LARP1B: variants seen among roughly 807,000 people sequenced by gnomAD.
LARP1B encodes La ribonucleoprotein 1B, also known as la-related protein 1B.
In LARP1B, 76 loss-of-function variants were observed where a neutral mutation model predicts 114.2. The observed-to-expected ratio is 0.67, with a 90% CI of 0.55 to 0.81. The LOEUF (loss-of-function observed/expected upper bound fraction) is 0.81, where lower values mean the gene tolerates loss of function less well. Ranked by LOEUF, LARP1B falls within the 30% of genes least tolerant of loss-of-function variation. The pLI is 0.00. For missense variants in LARP1B, 1,014 were observed against 1,075.8 expected (o/e 0.94, Z 0.80); for synonymous variants, 345 against 348.0 (o/e 0.99, Z 0.10).
intron 1 of LARP1B, among the ~76,000 whole-genome samples, chr4:128,062,818 GAC>G (rs1760792102): frequency 6.6e-6 from 1 of 151,588 alleles, no homozygotes; most frequent in African/African-American, 2.4e-5. Context: ...AATGTTAAAT[GAC>G]GAGTTGATGG....
At chr4:128,196,282 AAAAG>A (rs1368013634) in intron 15 of LARP1B, among the ~76,000 whole-genome samples, 3 of 150,312 alleles carry the variant, frequency 2.0e-5, no homozygotes, top group African/African-American at 7.3e-5. Flanking sequence ...GAAAGAAAGA[AAAAG>A]AAAAGGGAAA....
intron 7 of LARP1B, among the ~76,000 whole-genome samples, chr4:128,096,101 C>G (rs1221344207): frequency 2.7e-5 from 4 of 150,420 alleles, no homozygotes; most frequent in African/African-American, 9.8e-5. Flanking sequence ...TCACACCATT[C>G]TCCTGCCTCA....
At chr4:128,135,830 G>A (rs770172554) in intron 11 of LARP1B, among the ~76,000 whole-genome samples, 3 of 152,132 alleles carry the variant, frequency 2.0e-5, no homozygotes, top group African/African-American at 7.2e-5. Context: ...CTAGATGAAA[G>A]TTTTGGAGAT....
intron 3 of LARP1B, among the ~76,000 whole-genome samples, chr4:128,077,467 C>G (rs1768415580): frequency 6.6e-6 from 1 of 152,018 alleles, no homozygotes; most frequent in Admixed American, 6.6e-5. Flanking sequence ...TGCCACTGCA[C>G]TCCAGCCTGG....
At position 128,211,702 on chromosome 4, in the gene LARP1B, T is replaced by C. The variant is rs1349009685; in HGVS notation, c.*1649T>C. On this transcript the variant is annotated 3_prime_UTR_variant, in exon 20 of 20. Transcript: ENST00000326639. The stretch of plus-strand genomic sequence containing the variant: ...CCGTGCTTATTAGCTTTAAATGGTC[T>C]CTTGAAATGATCATAAATTTTTCTC... The C allele has an allele frequency of 9.1e-6, 9 of 985,120 alleles. 1 individual carries two copies. The Admixed American group carries it at 4.9e-4, about 54-fold the overall frequency. The allele number at this position is 985,120 out of a possible 1,614,324, so 61.0% of individuals were successfully genotyped here. A position where few individuals can be genotyped will look rare whatever the true frequency, so the allele number is the denominator to read the frequency against.
chr4:128,134,209 A>G (rs1180490218), intron 11 of LARP1B, among the ~76,000 whole-genome samples: 4 of 151,842 alleles, frequency 2.6e-5, no homozygotes, highest in East Asian at 3.9e-4. Context: ...GGGTCTTGTT[A>G]TACCTGGTTT....
chr4:128,153,082 A>C (rs1733662774), intron 11 of LARP1B, among the ~76,000 whole-genome samples: 1 of 144,020 alleles, frequency 6.9e-6, no homozygotes, highest in Non-Finnish European at 1.5e-5. Flanking sequence ...TCCTGGGTTC[A>C]AGCGATTCTC....
chr4:128,160,051 T>C (rs1412420990), intron 11 of LARP1B, among the ~76,000 whole-genome samples: 1 of 152,216 alleles, frequency 6.6e-6, no homozygotes, highest in Non-Finnish European at 1.5e-5. Context: ...ATATAGTAAA[T>C]ATCTTAGACT....
chr4:128,217,774 G>C (rs1172307145), intron 6 of LARP1B, among the ~76,000 whole-genome samples: 1 of 128,650 alleles, frequency 7.8e-6, no homozygotes, highest in Middle Eastern at 3.7e-3. Context: ...ATTCAACATA[G>C]TGTTGGAAGT....
chr4:128,209,720 C>CAGAAAAAAAAAAAAAAAAAAAA (rs1336085069), intron 19 of LARP1B, 136 bp from the exon 20 acceptor site: 1 of 467,816 alleles, frequency 2.1e-6, no homozygotes. Context: ...GAGACTCCAT[C>CAGAAAAAAAAAAAAAAAAAAAA]AAAAAAAAAA....
intron 12 of LARP1B, 44 bp from the exon 13 acceptor site, chr4:128,176,828 A>T: frequency 6.4e-7 from 1 of 1,570,012 alleles, no homozygotes; most frequent in Non-Finnish European, 8.8e-7. Flanking sequence ...AATGGATAAA[A>T]TGCAGACACA....
At chr4:128,087,128 C>G (rs945101162) in intron 5 of LARP1B, among the ~76,000 whole-genome samples, 2 of 151,978 alleles carry the variant, frequency 1.3e-5, no homozygotes, top group Non-Finnish European at 2.9e-5. Context: ...CCATTTTGGG[C>G]CAGGCTGGTC....
At chr4:128,112,298 C>G (rs1322299168) in intron 9 of LARP1B, among the ~76,000 whole-genome samples, 1 of 151,192 alleles carries the variant, frequency 6.6e-6, no homozygotes, top group East Asian at 1.9e-4. Context: ...TTAATAGATC[C>G]AAATGTTATA....
At chr4:128,062,116 G>A (rs1760376114) in intron 1 of LARP1B, 1 of 985,378 alleles carries the variant, frequency 1.0e-6, no homozygotes, top group East Asian at 1.1e-4. Context: ...GGCAGCCGCC[G>A]CTGCTGCCGC....
chr4:128,178,415 G>A lies in LARP1B; in HGVS notation c.1685-16G>A. 2 of 1,569,106 alleles carry A rather than the reference G, an allele frequency of 1.3e-6. No homozygotes were observed. The highest frequency in any genetic ancestry group is 1.7e-6 in the Non-Finnish European group (2 of 1,147,244). On this transcript the variant is annotated splice_polypyrimidine_tract_variant and intron_variant, in intron 13 of 19. Transcript: ENST00000326639. ...TCCTAGCATCTAAATAATTTTAAGA[G>A]TTTTTTATTTTGCAGATTTGACTGA...
intron 1 of LARP1B, among the ~76,000 whole-genome samples, chr4:128,062,388 T>TA (rs1760525639): frequency 6.6e-6 from 1 of 152,152 alleles, no homozygotes; most frequent in Non-Finnish European, 1.5e-5. Context: ...TCTGCCTATT[T>TA]ACAGACATGG....
At chr4:128,197,844 T>A (rs2150865765) in intron 15 of LARP1B, among the ~76,000 whole-genome samples, 1 of 149,148 alleles carries the variant, frequency 6.7e-6, no homozygotes, top group African/African-American at 2.4e-5. Flanking sequence ...TATAACTTAA[T>A]CACACAAGTG....
chr4:128,091,928 A>G (rs760768935), intron 7 of LARP1B, among the ~76,000 whole-genome samples: 3 of 152,186 alleles, frequency 2.0e-5, no homozygotes, highest in Non-Finnish European at 2.9e-5. Flanking sequence ...ACTTATTTGT[A>G]AAGGTTGGAA....
chr4:128,169,838 C>T (rs1159548405), intron 12 of LARP1B, among the ~76,000 whole-genome samples: 1 of 151,970 alleles, frequency 6.6e-6, no homozygotes, highest in African/African-American at 2.4e-5. Context: ...GGTTTCACCA[C>T]GTTGGCCAGG....
Sources: allele counts gnomAD v4.1 joint callset (sites outside exome capture counted in the v4.1 genomes callset), GRCh38; gene constraint gnomAD v4.1.1; transcripts MANE v1.5; gene names NCBI Gene and HGNC (gene_info 2026-07-23, HGNC 2026-07-21).